The following SDK2 variants were observed in gnomAD, a reference collection of about 807,000 sequenced individuals.
SDK2 encodes the protein protein sidekick-2.
SDK2 carries 105 observed loss-of-function variants against 253.9 expected under a neutral mutation model. The ratio of observed to expected loss-of-function variants is 0.41; its 90% CI spans 0.35 to 0.49. The LOEUF is 0.49. SDK2 is among the 20% of genes least tolerant of loss of function. The pLI is 0.06. For synonymous variants in SDK2, 1,249 were observed against 1,234.9 expected (o/e 1.01, Z -0.24); for missense variants, 2,608 against 3,003.0 (o/e 0.87, Z 3.07).
At chr17:73,436,076 G>A (rs1220926415) in intron 8 of SDK2, among the ~76,000 whole-genome samples, 1 of 152,010 alleles carries the variant, frequency 6.6e-6, no homozygotes, top group Non-Finnish European at 1.5e-5. Context: ...TTTTATTGCA[G>A]TACTTAGCAG....
chr17:73,409,220 C>A (rs1268078288), intron 18 of SDK2, among the ~76,000 whole-genome samples: 1 of 152,124 alleles, frequency 6.6e-6, no homozygotes, highest in Non-Finnish European at 1.5e-5. Context: ...GTGGCTCACG[C>A]CTATAATGCC....
In SDK2 at chr17:73,335,864, T is replaced by C. The variant is rs1263016573; in HGVS notation, c.*2723A>G. On this transcript the variant is annotated 3_prime_UTR_variant, in exon 45 of 45. Coordinates refer to ENST00000392650, the MANE Select transcript of SDK2 (RefSeq NM_001144952.2). The stretch of plus-strand genomic sequence containing the variant: ...CATACAGATGTGTGTTCTGTGCATA[T>C]TTGTGTGTGCATGTGTGTAAGCACA... The C allele has an allele frequency of 1.3e-5, 2 of 152,290 alleles. No individual in the cohort carries two copies. The highest frequency in any genetic ancestry group is 2.9e-5 in the Non-Finnish European group (2 of 68,038). 9.4% of individuals were successfully genotyped at this position (152,290 alleles called of 1,614,324 possible).
intron 2 of SDK2, among the ~76,000 whole-genome samples, chr17:73,473,485 C>G (rs1197548727): frequency 6.6e-6 from 1 of 152,188 alleles, no homozygotes; most frequent in East Asian, 1.9e-4. Flanking sequence ...GCCCAGCAGA[C>G]CTGGTGGACA....
chr17:73,635,487 C>A (rs1313592247), intron 1 of SDK2, among the ~76,000 whole-genome samples: 1 of 152,202 alleles, frequency 6.6e-6, no homozygotes, highest in Admixed American at 6.5e-5. Flanking sequence ...CCTCCCAGAT[C>A]TGTACCTCCA....
Position 73,440,890 on chromosome 17 carries a change from G to A in SDK2, c.647C>T (p.Thr216Ile), listed in dbSNP as rs1336746134. The A allele has an allele frequency of 1.3e-6, 2 of 1,551,576 alleles. No homozygotes were observed. The highest frequency in any genetic ancestry group is 1.7e-6 in the Non-Finnish European group (2 of 1,146,976). Residue 216 changes from threonine to isoleucine, a missense_variant, in exon 6 of 45, where the codon ACC (threonine) becomes ATC (isoleucine). Transcript: ENST00000392650. The stretch of plus-strand genomic sequence containing the variant: ...GGTGTTTTTAGGTGGGATGATGATG[G>A]TGGGTGCGATGGGGTCTGCAGGCCC... The part of the protein sequence containing the change: ...VGGPADPIAP[T>I]IIIPPKNTSV...
At position 73,496,988 on chromosome 17, in the gene SDK2, C is replaced by G. The variant is rs538000965; in HGVS notation, c.224+10450G>C. 1.4e-4 allele frequency among the ~76,000 whole-genome samples: 22 copies of G among 152,318 alleles called. No individual in the cohort carries two copies. The highest frequency in any genetic ancestry group is 1.2e-4 in the Non-Finnish European group (8 of 68,040). On this transcript the variant is annotated intron_variant, in intron 2 of 44. Transcript: ENST00000392650. This position sits in a 1 kb window ranked among gnomAD's most constrained non-coding sequence, Gnocchi z 4.7. ...CTTGGCTCACTGTAAACTCTGCCTC[C>G]CAGGTTCAAGTAATTCTCCTGCCTC...
chr17:73,421,388 A>G (rs2063228578), intron 15 of SDK2, among the ~76,000 whole-genome samples: 1 of 152,176 alleles, frequency 6.6e-6, no homozygotes, highest in Non-Finnish European at 1.5e-5. Context: ...CAAAGAGCCA[A>G]GTGCAAGGCT....
intron 14 of SDK2, among the ~76,000 whole-genome samples, chr17:73,423,099 C>A (rs1331854528): frequency 6.6e-6 from 1 of 152,134 alleles, no homozygotes; most frequent in Non-Finnish European, 1.5e-5. Flanking sequence ...TTGGGGAATA[C>A]ATAAATAAAT....
At position 73,431,920 on chromosome 17, in the gene SDK2, T is replaced by A. The variant is rs2063329273; in HGVS notation, c.1313-251A>T. 6.6e-6 allele frequency among the ~76,000 whole-genome samples: 1 copy of A among 152,112 alleles called. No homozygotes were observed. The highest frequency in any genetic ancestry group is 2.4e-5 in the African/African-American group (1 of 41,424). ...TAGAGCCCAGGTCCCCTGATGCTCC[T>A]GTGCCCGCCACACCACGTGCCCTTC... On this transcript the variant is annotated intron_variant, in intron 10 of 44. Transcript: ENST00000392650. The surrounding 1 kb of genome is among the most constrained non-coding windows in gnomAD (Gnocchi z 5.6).
At chr17:73,399,902 C>T (rs1412338426) in intron 21 of SDK2, among the ~76,000 whole-genome samples, 1 of 152,178 alleles carries the variant, frequency 6.6e-6, no homozygotes, top group East Asian at 1.9e-4. Flanking sequence ...ACTCTCTGTG[C>T]CTCCATGTCC....
At chr17:73,436,731 C>T (rs1423773312) in intron 8 of SDK2, among the ~76,000 whole-genome samples, 2 of 152,050 alleles carry the variant, frequency 1.3e-5, no homozygotes, top group Non-Finnish European at 2.9e-5. Context: ...ACATTTCATC[C>T]AATCCACCAT....
intron 1 of SDK2, among the ~76,000 whole-genome samples, chr17:73,546,155 C>G (rs1355272410): frequency 6.6e-6 from 1 of 152,136 alleles, no homozygotes; most frequent in African/African-American, 2.4e-5. Context: ...CTGGACCCAC[C>G]CCAGCTGCCC....
At chr17:73,449,909 C>A (rs1313589024) in intron 4 of SDK2, among the ~76,000 whole-genome samples, 1 of 151,822 alleles carries the variant, frequency 6.6e-6, no homozygotes. Flanking sequence ...AGCAACAGAG[C>A]GAAACTCCAT....
At chr17:73,589,669 C>T (rs1452841922) in intron 1 of SDK2, among the ~76,000 whole-genome samples, 2 of 152,224 alleles carry the variant, frequency 1.3e-5, no homozygotes, top group East Asian at 3.8e-4. Context: ...CTGGCCCTGA[C>T]CAAGGATAAT....
At chr17:73,415,438 A>G (rs143388564) in intron 17 of SDK2, among the ~76,000 whole-genome samples, 2 of 140,064 alleles carry the variant, frequency 1.4e-5, no homozygotes, top group African/African-American at 2.7e-5. Flanking sequence ...TTGCAGCCTT[A>G]ACTTCCCCAG....
At chr17:73,446,854 C>G (rs2063456482) in intron 5 of SDK2, among the ~76,000 whole-genome samples, 1 of 152,152 alleles carries the variant, frequency 6.6e-6, no homozygotes, top group African/African-American at 2.4e-5. Context: ...CTCCCTCCTT[C>G]TCTGTCTTGG....
At position 73,415,886 on chromosome 17, in the gene SDK2, T is replaced by C. The variant is rs746090993; in HGVS notation, c.2293A>G (p.Ile765Val). 51 of 1,594,774 alleles carry C rather than the reference T, an allele frequency of 3.2e-5. No individual in the cohort carries two copies. The South Asian group carries it at 5.7e-4, about 18-fold the overall frequency. Residue 765 changes from isoleucine (I) to valine (V), a missense_variant, in exon 17 of 45, where the codon ATC becomes GTC. Physicochemically the swap from Ile to Val is conservative, Grantham distance 29. Coordinates refer to ENST00000392650, the MANE Select transcript of SDK2 (RefSeq NM_001144952.2). Reference sequence around the variant, plus strand: ...GCGCTGTTGTAAGCAGCCACCTCGATCTCGTAGTTGGTCCAAATGATGAGA... The same window carrying C: ...GCGCTGTTGTAAGCAGCCACCTCGACCTCGTAGTTGGTCCAAATGATGAGA... ...EDLIIWTNYE[I>V]EVAAYNSAGL...
chr17:73,488,701 T>C (rs2063785143), intron 2 of SDK2, among the ~76,000 whole-genome samples: 1 of 152,190 alleles, frequency 6.6e-6, no homozygotes, highest in African/African-American at 2.4e-5. Flanking sequence ...CTGGGAGCCT[T>C]TTCCAAGGCA....
intron 13 of SDK2, 102 bp from the exon 14 acceptor site, chr17:73,423,624 C>T (rs574940157): frequency 1.1e-4 from 145 of 1,301,230 alleles, no homozygotes; most frequent in Admixed American, 2.7e-4. Flanking sequence ...TCCATGATAC[C>T]GCATGCTTAG....
Sources: gnomAD v4.1 joint callset for allele counts (sites outside exome capture counted in the v4.1 genomes callset) on GRCh38, gnomAD v4.1.1 for gene constraint, Gnocchi (gnomAD v3.1) non-coding constraint, MANE v1.5 for transcripts, NCBI Gene and HGNC (gene_info 2026-07-23, HGNC 2026-07-21) for gene names.